GSG1L: variants seen among roughly 807,000 people sequenced by gnomAD.
The protein encoded by GSG1L is germ cell-specific gene 1-like protein.
In GSG1L, 24 loss-of-function variants were observed where a neutral mutation model predicts 42.1. The ratio of observed to expected loss-of-function variants is 0.57; its 90% confidence interval spans 0.41 to 0.80. The LOEUF is 0.80. GSG1L is among the 30% of genes least tolerant of loss of function. The probability of loss-of-function intolerance (pLI) is 0.00; values close to 1 mark genes in which losing one functional copy is unlikely to be tolerated. For synonymous variants in GSG1L, 215 were observed against 203.5 expected (o/e 1.06, Z -0.48); for missense variants, 445 against 472.2 (o/e 0.94, Z 0.53).
At position 27,791,463 on chromosome 16, in the gene GSG1L, G is replaced by A. The variant is rs144387157; in HGVS notation, c.903C>T (p.His301=). 2 of 1,483,668 alleles carry A rather than the reference G, an allele frequency of 1.3e-6. No homozygotes were observed. Among genetic ancestry groups the A allele is most frequent in the Admixed American group, 2.2e-5 (1 of 44,816 alleles). 91.9% of individuals were successfully genotyped at this position (1,483,668 alleles called of 1,614,324 possible). ...GCCAGGAATCCGCCATGTGTGGCTGGTGTCCTGCCAGGAGACAAGGCGGTC... is the reference window on the plus strand; with the variant it reads ...GCCAGGAATCCGCCATGTGTGGCTGATGTCCTGCCAGGAGACAAGGCGGTC... ...DCRHERYPAR[H]QPHMADSWPR... The change falls in exon 7 of 7, where the codon CAC becomes CAT. Residue 301 remains histidine (H), a synonymous_variant. Coordinates refer to ENST00000447459, the MANE Select transcript of GSG1L (RefSeq NM_001109763.2).
chr16:27,793,832 G>T (rs2082786944), intron 6 of GSG1L, among the ~76,000 whole-genome samples: 2 of 152,268 alleles, frequency 1.3e-5, no homozygotes, highest in Admixed American at 6.5e-5. Context: ...CACTCCAGCA[G>T]CCCACCAGGG....
At chr16:27,857,454 G>T (rs897566958) in intron 3 of GSG1L, among the ~76,000 whole-genome samples, 3 of 151,068 alleles carry the variant, frequency 2.0e-5, no homozygotes, top group African/African-American at 4.9e-5. Context: ...AAAGAAAGGC[G>T]TGGGGGGCCA....
intron 4 of GSG1L, among the ~76,000 whole-genome samples, chr16:27,838,400 G>A (rs1282857639): frequency 2.0e-5 from 3 of 152,178 alleles, no homozygotes; most frequent in Non-Finnish European, 2.9e-5. Flanking sequence ...TGAAAACTCT[G>A]GGGCCAGAAC....
At chr16:27,807,217 G>A (rs1028187046) in intron 6 of GSG1L, among the ~76,000 whole-genome samples, 1 of 152,214 alleles carries the variant, frequency 6.6e-6, no homozygotes, top group Admixed American at 6.5e-5. Context: ...CTGGCCTTGA[G>A]CTGGGTTTTC....
intron 1 of GSG1L, among the ~76,000 whole-genome samples, chr16:28,018,690 C>T (rs76895370): frequency 2.6e-5 from 4 of 152,180 alleles, no homozygotes; most frequent in Non-Finnish European, 5.9e-5. Flanking sequence ...ACCTTCCCCC[C>T]ACCCCCAGGC....
intron 1 of GSG1L, among the ~76,000 whole-genome samples, chr16:28,036,492 C>A (rs1040066930): frequency 7.5e-6 from 1 of 133,172 alleles, no homozygotes; most frequent in Non-Finnish European, 1.6e-5. Context: ...CTCAGGCACG[C>A]TCCTCACGTC....
intron 1 of GSG1L, among the ~76,000 whole-genome samples, chr16:28,003,177 C>T (rs1596690701): frequency 6.6e-6 from 1 of 152,190 alleles, no homozygotes. Flanking sequence ...CCACTGAGGG[C>T]ACCAAGCAGA....
intron 6 of GSG1L, among the ~76,000 whole-genome samples, chr16:27,804,502 C>T (rs913923026): frequency 6.0e-4 from 91 of 151,634 alleles, no homozygotes; most frequent in Admixed American, 1.6e-3. Context: ...CTGAATGATT[C>T]TCTCTCCCCT....
At chr16:27,851,545 G>T (rs910926810) in intron 3 of GSG1L, among the ~76,000 whole-genome samples, 2 of 152,266 alleles carry the variant, frequency 1.3e-5, no homozygotes, top group East Asian at 1.9e-4. Context: ...GCAAGCTGGA[G>T]ACAAGGTCAC....
At chr16:28,048,333 G>GA (rs199849935) in intron 1 of GSG1L, among the ~76,000 whole-genome samples, 2,182 of 149,944 alleles carry the variant, frequency 0.015, 28 homozygotes, top group Non-Finnish European at 0.022. Flanking sequence ...AAACATTTAC[G>GA]AAAAAAAAAT....
intron 2 of GSG1L, among the ~76,000 whole-genome samples, chr16:27,948,609 C>CTTTT (rs202151239): frequency 1.9e-4 from 22 of 116,600 alleles, no homozygotes; most frequent in Non-Finnish European, 2.8e-4. Flanking sequence ...TCTTCTTCTT[C>CTTTT]TTTTTTTTTT....
intron 1 of GSG1L, among the ~76,000 whole-genome samples, chr16:27,979,727 GA>G (rs1567542966): frequency 4.4e-5 from 1 of 22,758 alleles, no homozygotes; most frequent in African/African-American, 1.8e-4. Flanking sequence ...AGGAAGGAAG[GA>G]AAGAAAAAGA....
chr16:27,804,687 A>C (rs1372269985), intron 6 of GSG1L, among the ~76,000 whole-genome samples: 1 of 96,134 alleles, frequency 1.0e-5, no homozygotes, highest in African/African-American at 4.5e-5. Context: ...TTTCACAAGG[A>C]GATGCTGCTT....
chr16:27,815,922 C>T (rs1238052667), intron 5 of GSG1L, among the ~76,000 whole-genome samples: 1 of 152,132 alleles, frequency 6.6e-6, no homozygotes, highest in Non-Finnish European at 1.5e-5. Context: ...TATGATTGCA[C>T]CACTGCACTC....
At chr16:28,051,056 T>C (rs1229608324) in intron 1 of GSG1L, among the ~76,000 whole-genome samples, 8 of 152,170 alleles carry the variant, frequency 5.3e-5, no homozygotes, top group Non-Finnish European at 7.4e-5. Flanking sequence ...CCCCTGCACC[T>C]AGACAAAGCC....
At chr16:27,935,443 A>G (rs2084704702) in intron 2 of GSG1L, among the ~76,000 whole-genome samples, 1 of 152,150 alleles carries the variant, frequency 6.6e-6, no homozygotes, top group Non-Finnish European at 1.5e-5. Context: ...TTTTGGGGAT[A>G]TTAAGTCAAA....
intron 2 of GSG1L, among the ~76,000 whole-genome samples, chr16:27,957,572 A>T (rs1169280164): frequency 6.6e-6 from 1 of 152,200 alleles, no homozygotes; most frequent in Non-Finnish European, 1.5e-5. Context: ...TATGCTACCC[A>T]TCGAAGGTCT....
intron 2 of GSG1L, among the ~76,000 whole-genome samples, chr16:27,902,941 C>G (rs1276731841): frequency 6.6e-6 from 1 of 152,000 alleles, no homozygotes; most frequent in Non-Finnish European, 1.5e-5. Context: ...TGGGAGGTGG[C>G]AGTGGAAGGC....
intron 3 of GSG1L, among the ~76,000 whole-genome samples, chr16:27,873,900 G>A (rs902076068): frequency 2.6e-5 from 4 of 152,194 alleles, no homozygotes; most frequent in Non-Finnish European, 5.9e-5. Flanking sequence ...TCCCCATAGA[G>A]GGCCAAGCTA....
Sources: gnomAD v4.1 joint callset for allele counts (sites outside exome capture counted in the v4.1 genomes callset) on GRCh38, gnomAD v4.1.1 for gene constraint, MANE v1.5 for transcripts, NCBI Gene and HGNC (gene_info 2026-07-23, HGNC 2026-07-21) for gene names.